Variants in PPP4R4 observed in about 807,000 individuals in gnomAD.
The protein encoded by PPP4R4 is serine/threonine-protein phosphatase 4 regulatory subunit 4.
Under a neutral mutation model 121.8 loss-of-function variants are expected in PPP4R4, and 70 were observed. The ratio of observed to expected loss-of-function variants is 0.57; its 90% CI spans 0.47 to 0.70. The LOEUF (loss-of-function observed/expected upper bound fraction) is 0.70, where lower values mean the gene tolerates loss of function less well. PPP4R4 is among the 30% of genes least tolerant of loss of function. The pLI is 0.00. For synonymous variants in PPP4R4, 348 were observed against 355.7 expected (o/e 0.98, Z 0.24); for missense variants, 875 against 1,033.6 (o/e 0.85, Z 2.10).
intron 16 of PPP4R4, among the ~76,000 whole-genome samples, chr14:94,254,319 C>T (rs1010564807): frequency 6.6e-5 from 10 of 151,956 alleles, no homozygotes; most frequent in Non-Finnish European, 1.5e-4. Flanking sequence ...TTAAATTCAC[C>T]AAGTTTAGAC....
intron 3 of PPP4R4, among the ~76,000 whole-genome samples, 197 bp downstream of exon 3, chr14:94,208,763 C>T (rs1347635852): frequency 6.6e-6 from 1 of 151,934 alleles, no homozygotes; most frequent in African/African-American, 2.4e-5. Context: ...AAATCCAGAT[C>T]TTAAGTTGTA....
Position 94,212,799 on chromosome 14 carries a change from T to A in PPP4R4, c.294+4233T>A, listed in dbSNP as rs11847154. On this transcript the variant is annotated intron_variant, in intron 3 of 24. Coordinates refer to ENST00000304338, the MANE Select transcript of PPP4R4 (RefSeq NM_058237.2). Reference sequence around the variant, plus strand: ...GTCAAGATAAATATCCAAAATATTATACCATGGTCTTTTATAAAATTCAGA... The same window carrying A: ...GTCAAGATAAATATCCAAAATATTAAACCATGGTCTTTTATAAAATTCAGA... 3.3e-3 allele frequency among the ~76,000 whole-genome samples: 504 copies of A among 152,310 alleles called. 4 individuals carry two copies. The highest frequency in any genetic ancestry group is 0.012 in the African/African-American group (485 of 41,588).
Position 94,268,459 on chromosome 14 carries a change from A to G in PPP4R4, c.2449+1430A>G, listed in dbSNP as rs145161776. Among the ~76,000 whole-genome samples, 974 of 152,332 alleles carry G rather than the reference A, an allele frequency of 6.4e-3. 10 individuals are homozygous for G. The highest frequency in any genetic ancestry group is 0.021 in the African/African-American group (866 of 41,572). ...TAATTTATTTAGTTTTAACTTTGCTAGTTTTTAAGTGACCTTAAGAACCAA... is the reference window on the plus strand; with the variant it reads ...TAATTTATTTAGTTTTAACTTTGCTGGTTTTTAAGTGACCTTAAGAACCAA... On this transcript the variant is annotated intron_variant, in intron 23 of 24. Transcript: ENST00000304338.
At chr14:94,255,600 CAAA>C in intron 16 of PPP4R4, among the ~76,000 whole-genome samples, 1 of 127,282 alleles carries the variant, frequency 7.9e-6, no homozygotes, top group African/African-American at 2.8e-5. Context: ...GACTCTGTCT[CAAA>C]AAAAAAAAAA....
chr14:94,273,216 G>A (rs1469036192), intron 23 of PPP4R4, among the ~76,000 whole-genome samples: 1 of 152,020 alleles, frequency 6.6e-6, no homozygotes, highest in African/African-American at 2.4e-5. Flanking sequence ...GCCAAAATTT[G>A]GAAACAAACA....
intron 19 of PPP4R4, among the ~76,000 whole-genome samples, chr14:94,262,502 T>A (rs990771548): frequency 1.3e-5 from 2 of 151,998 alleles, no homozygotes; most frequent in Non-Finnish European, 2.9e-5. Context: ...CTACATATTG[T>A]TATTATTATA....
At chr14:94,270,021 G>A (rs968665511) in intron 23 of PPP4R4, among the ~76,000 whole-genome samples, 1 of 152,134 alleles carries the variant, frequency 6.6e-6, no homozygotes, top group African/African-American at 2.4e-5. Context: ...ACTTATGTAA[G>A]CTGTTAGTAG....
intron 2 of PPP4R4, among the ~76,000 whole-genome samples, chr14:94,191,557 G>A (rs548609769): frequency 2.0e-4 from 31 of 152,016 alleles, no homozygotes; most frequent in African/African-American, 4.6e-4. Context: ...GTTGTTAATC[G>A]TATTCACCTT....
chr14:94,261,306 C>T (rs188717617), intron 19 of PPP4R4, among the ~76,000 whole-genome samples: 116 of 152,064 alleles, frequency 7.6e-4, no homozygotes, highest in African/African-American at 2.6e-3. Flanking sequence ...TTTATTTCTA[C>T]GTATTTTATG....
intron 2 of PPP4R4, among the ~76,000 whole-genome samples, chr14:94,193,940 A>G (rs1308969340): frequency 6.6e-6 from 1 of 152,230 alleles, no homozygotes; most frequent in Non-Finnish European, 1.5e-5. Flanking sequence ...TCCTTGGATT[A>G]CAGGAAATCA....
intron 19 of PPP4R4, among the ~76,000 whole-genome samples, chr14:94,260,505 G>T (rs1385745712): frequency 6.6e-6 from 1 of 151,960 alleles, no homozygotes; most frequent in Non-Finnish European, 1.5e-5. Flanking sequence ...ATGCTGGAAA[G>T]CTTTAGTTAC....
intron 18 of PPP4R4, 126 bp downstream of exon 18, chr14:94,258,950 G>A: frequency 1.1e-6 from 1 of 903,014 alleles, no homozygotes; most frequent in Admixed American, 2.5e-5. Flanking sequence ...CGTGGCTGGG[G>A]AGGCCTCACA....
chr14:94,275,298 T>C (rs938092583), intron 23 of PPP4R4, 76 bp from the exon 24 acceptor site: 3 of 1,499,300 alleles, frequency 2.0e-6, no homozygotes, highest in Non-Finnish European at 2.8e-6. Context: ...TTAGCTATCA[T>C]TAACCTTTTC....
At chr14:94,218,969 G>A (rs1266950925) in intron 3 of PPP4R4, among the ~76,000 whole-genome samples, 1 of 151,224 alleles carries the variant, frequency 6.6e-6, no homozygotes, top group East Asian at 1.9e-4. Context: ...ACCTTTCCAG[G>A]ATGAAGACAA....
intron 19 of PPP4R4, among the ~76,000 whole-genome samples, chr14:94,261,781 AT>A (rs1357775949): frequency 6.6e-6 from 1 of 151,942 alleles, no homozygotes; most frequent in Non-Finnish European, 1.5e-5. Context: ...TGGTTGTTGC[AT>A]TTTGTTGTAT....
chr14:94,220,900 C>T (rs550770551), intron 3 of PPP4R4, among the ~76,000 whole-genome samples: 17 of 152,090 alleles, frequency 1.1e-4, no homozygotes, highest in African/African-American at 2.9e-4. Flanking sequence ...TTCTAAGATT[C>T]GTATGAGAAT....
chr14:94,241,689 G>C, intron 9 of PPP4R4, 99 bp from the exon 10 acceptor site: 1 of 850,810 alleles, frequency 1.2e-6, no homozygotes, highest in Non-Finnish European at 1.8e-6. Flanking sequence ...ATTTATTTAA[G>C]TATTTGGCTC....
At chr14:94,259,874 C>T (rs1013930966) in intron 19 of PPP4R4, among the ~76,000 whole-genome samples, 30 of 152,238 alleles carry the variant, frequency 2.0e-4, no homozygotes, top group Admixed American at 1.7e-3. Context: ...TCCATATTAT[C>T]GTATGCATCA....
At chr14:94,209,935 A>G (rs1035052475) in intron 3 of PPP4R4, among the ~76,000 whole-genome samples, 3 of 152,106 alleles carry the variant, frequency 2.0e-5, no homozygotes, top group Non-Finnish European at 4.4e-5. Flanking sequence ...TGAACTTTAG[A>G]GGTCTCTAAA....
Sources: gnomAD v4.1 joint callset for allele counts (sites outside exome capture counted in the v4.1 genomes callset) on GRCh38, gnomAD v4.1.1 for gene constraint, MANE v1.5 for transcripts, NCBI Gene and HGNC (gene_info 2026-07-23, HGNC 2026-07-21) for gene names.